The following NLRP11 variants were observed in gnomAD, a reference collection of about 807,000 sequenced individuals.
The protein encoded by NLRP11 is NLR family pyrin domain containing 11.
NLRP11 carries 53 observed loss-of-function variants against 79.3 expected under a neutral mutation model. The ratio of observed to expected loss-of-function variants is 0.67; its 90% CI spans 0.54 to 0.84. The LOEUF is 0.84. NLRP11 is among the 40% of genes least tolerant of loss of function. NLRP11 has a pLI of 0.00. For synonymous variants in NLRP11, 518 were observed against 462.6 expected, an observed-to-expected ratio of 1.12 and a Z score of -1.54; for missense variants, 1,264 against 1,255.0, an observed-to-expected ratio of 1.01 and a Z score of -0.11.
Position 55,805,615 on chromosome 19 carries a change from C to T in NLRP11, c.2003+2238G>A, listed in dbSNP as rs538827540. On this transcript the variant is annotated intron_variant, in intron 4 of 9. Transcript: ENST00000589093. ...AGTGCAGTGCCACAATCTCAGCTCA[C>T]CGTGGCCTGCGCCTCCCGGGTTTAA... Among the ~76,000 whole-genome samples the T allele has an allele frequency of 1.5e-3, 221 of 152,060 alleles. 1 individual carries two copies. The highest frequency in any genetic ancestry group is 2.9e-3 in the Non-Finnish European group (195 of 68,024).
At chr19:55,812,788 A>G (rs1980731370) in intron 2 of NLRP11, among the ~76,000 whole-genome samples, 1 of 152,162 alleles carries the variant, frequency 6.6e-6, no homozygotes, top group Non-Finnish European at 1.5e-5. Context: ...TTTATTTTCT[A>G]TAAACTTAGT....
At chr19:55,790,871 A>G (rs1159695633) in intron 7 of NLRP11, among the ~76,000 whole-genome samples, 1 of 152,206 alleles carries the variant, frequency 6.6e-6, no homozygotes, top group Non-Finnish European at 1.5e-5. Context: ...AGGGTGATCA[A>G]TAATGTGGGC....
chr19:55,829,648 G>A (rs549464569), intron 1 of NLRP11, among the ~76,000 whole-genome samples: 1 of 112,406 alleles, frequency 8.9e-6, no homozygotes, highest in African/African-American at 3.4e-5. Context: ...GCCTGGGCGA[G>A]ACTCCGTCTC....
At chr19:55,789,742 G>A (rs553975092) in intron 7 of NLRP11, among the ~76,000 whole-genome samples, 1 of 152,312 alleles carries the variant, frequency 6.6e-6, no homozygotes, top group Non-Finnish European at 1.5e-5. Flanking sequence ...AATTATGTTA[G>A]GCAACCTCCT....
intron 9 of NLRP11, among the ~76,000 whole-genome samples, chr19:55,787,116 C>T (rs1019479535): frequency 2.0e-5 from 3 of 152,074 alleles, no homozygotes; most frequent in Admixed American, 6.5e-5. Flanking sequence ...ATGGGTCATC[C>T]GGATGCTTAT....
intron 1 of NLRP11, among the ~76,000 whole-genome samples, chr19:55,821,238 CACACACA>C (rs1568642918): frequency 3.2e-5 from 4 of 126,752 alleles, no homozygotes; most frequent in African/African-American, 1.4e-4. Context: ...CACACACACA[CACACACA>C]CACACCCCAA....
rs551316548 is a variant in NLRP11 at position 55,800,363 on chromosome 19, A to G, written c.2171+1209T>C. ...TCTTGTTGCCCAGGCTGGAACGTGC[A>G]GCGGCGCCATCTCAGCTCACTGCAA... On this transcript the variant is annotated intron_variant, in intron 5 of 9. Coordinates refer to ENST00000589093, the Ensembl canonical transcript of NLRP11. Among the ~76,000 whole-genome samples, 5 of 152,326 alleles carry G rather than the reference A, an allele frequency of 3.3e-5. No homozygotes were observed. In the East Asian group the frequency reaches 7.7e-4, roughly 23 times the overall value.
In NLRP11 at chr19:55,809,988, G is replaced by A. The variant is rs200988129; in HGVS notation, c.622C>T (p.Pro208Ser). The stretch of plus-strand genomic sequence containing the variant: ...TCTGCAATGGGAGCCTGGCCGTCAG[G>A]CCAGTCCTTGGCGATTAGCTCAGCC... Residue 208 changes from proline (P) to serine (S), a missense_variant, in exon 3 of 10, where the codon CCT (proline) becomes TCT (serine). Physicochemically the swap from Pro to Ser is moderately conservative, Grantham distance 74. Transcript: ENST00000589093. This position sits in a 1 kb window ranked among gnomAD's most constrained non-coding sequence, Gnocchi z 4.5. The A allele has an allele frequency of 5.9e-5, 96 of 1,614,198 alleles. No homozygotes were observed. In the South Asian group the frequency reaches 9.7e-4, roughly 16 times the overall value.
chr19:55,824,379 C>T (rs1276321787), intron 1 of NLRP11, among the ~76,000 whole-genome samples: 1 of 146,620 alleles, frequency 6.8e-6, no homozygotes, highest in Non-Finnish European at 1.5e-5. Context: ...CACCAGCTAA[C>T]ATCATAATGA....
intron 7 of NLRP11, among the ~76,000 whole-genome samples, chr19:55,791,221 C>CTTTTT (rs1197995143): frequency 6.6e-6 from 1 of 152,052 alleles, no homozygotes; most frequent in Non-Finnish European, 1.5e-5. Flanking sequence ...GTTTCTAACC[C>CTTTTT]CTATTCTACA....
chr19:55,822,453 C>T (rs1367429754), intron 1 of NLRP11, among the ~76,000 whole-genome samples: 1 of 152,158 alleles, frequency 6.6e-6, no homozygotes, highest in Non-Finnish European at 1.5e-5. Context: ...CAGCTCCCAG[C>T]GTGAGCAACG....
exon 10 of NLRP11, chr19:55,785,590 T>C (rs1989820735): frequency 6.3e-7 from 1 of 1,575,942 alleles, no homozygotes; most frequent in African/African-American, 1.4e-5. Context: ...GTCACGGTAG[T>C]AATTTATAAT....
At chr19:55,821,220 CACACACACACACACACACACACACACACA>C (rs1259500740) in intron 1 of NLRP11, among the ~76,000 whole-genome samples, 2 of 101,146 alleles carry the variant, frequency 2.0e-5, no homozygotes, top group Non-Finnish European at 3.5e-5. Flanking sequence ...CACACACACA[CACACACACACACACACACACACACACACA>C]CCCCAAGCAC....
At chr19:55,815,251 G>T (rs1980989040) in intron 2 of NLRP11, among the ~76,000 whole-genome samples, 1 of 152,172 alleles carries the variant, frequency 6.6e-6, no homozygotes, top group Admixed American at 6.5e-5. Flanking sequence ...GCAAGAGGCT[G>T]GGCACGGTGG....
chr19:55,832,851 C>G (rs1275271257), upstream of NLRP11: 1 of 151,366 alleles, frequency 6.6e-6, no homozygotes, highest in Non-Finnish European at 1.5e-5. Flanking sequence ...ACAAGATAAA[C>G]AAGGCCTCCG....
chr19:55,788,407 A>G (rs1394151282), intron 9 of NLRP11, among the ~76,000 whole-genome samples: 1 of 146,058 alleles, frequency 6.8e-6, no homozygotes, highest in African/African-American at 2.5e-5. Flanking sequence ...AGGGTTTCTC[A>G]TCATCATCTT....
At chr19:55,798,430 G>T in intron 5 of NLRP11, 2 of 609,592 alleles carry the variant, frequency 3.3e-6, no homozygotes, top group Non-Finnish European at 4.1e-6. Flanking sequence ...AATACCACAT[G>T]TTCTCACTTA....
intron 5 of NLRP11, chr19:55,798,288 G>A (rs138308335): frequency 2.5e-5 from 25 of 981,452 alleles, no homozygotes; most frequent in Non-Finnish European, 2.9e-5. Flanking sequence ...GTGAGCCGTC[G>A]CGTTGGCCTG....
At chr19:55,823,447 A>G (rs1051023170) in intron 1 of NLRP11, among the ~76,000 whole-genome samples, 1 of 140,242 alleles carries the variant, frequency 7.1e-6, no homozygotes, top group Admixed American at 7.2e-5. Context: ...AGAAGGCTTC[A>G]GACGATCAAA....
Sources: allele counts gnomAD v4.1 joint callset (sites outside exome capture counted in the v4.1 genomes callset), GRCh38; gene constraint gnomAD v4.1.1; non-coding constraint Gnocchi (gnomAD v3.1); transcripts MANE v1.5; gene names NCBI Gene and HGNC (gene_info 2026-07-23, HGNC 2026-07-21).